Variants in GPC6 observed in about 807,000 individuals in gnomAD.
GPC6 encodes glypican-6.
A neutral mutation model predicts 55.2 loss-of-function variants in GPC6; 14 were observed. That is an observed-to-expected ratio of 0.25 (90% confidence interval 0.17 to 0.40). The LOEUF (loss-of-function observed/expected upper bound fraction) is 0.40. Ranked by LOEUF, GPC6 falls within the 10% of genes least tolerant of loss-of-function variation. GPC6 has a pLI of 1.00. For synonymous variants in GPC6, 278 were observed against 259.6 expected, an observed-to-expected ratio of 1.07 and a Z score of -0.68; for missense variants, 641 against 708.5, an observed-to-expected ratio of 0.90 and a Z score of 1.08.
At chr13:93,922,826 A>G (rs1332340594) in intron 3 of GPC6, among the ~76,000 whole-genome samples, 1 of 152,158 alleles carries the variant, frequency 6.6e-6, no homozygotes, top group Non-Finnish European at 1.5e-5. Context: ...CCTCTAATCA[A>G]TTTGTATTCT....
chr13:94,305,848 T>C, intron 5 of GPC6, 132 bp from the exon 6 acceptor site: 1 of 855,170 alleles, frequency 1.2e-6, no homozygotes, highest in South Asian at 1.4e-5. Context: ...TGTTTACATT[T>C]CAAAATTAGA....
chr13:93,975,268 T>G (rs2140398517), intron 3 of GPC6, among the ~76,000 whole-genome samples: 1 of 152,286 alleles, frequency 6.6e-6, no homozygotes, highest in African/African-American at 2.4e-5. Context: ...TATGTTAAAC[T>G]CTTGCCAAAG....
At chr13:93,576,474 T>A (rs542125937) in intron 2 of GPC6, among the ~76,000 whole-genome samples, 1 of 152,270 alleles carries the variant, frequency 6.6e-6, no homozygotes, top group Admixed American at 6.5e-5. Flanking sequence ...TTGCCCTTAG[T>A]TTTTGGCTGT....
rs997251766 is a variant in GPC6, at chr13:93,639,061, G to A, written c.319+93640G>A. On this transcript the variant is annotated intron_variant, in intron 2 of 8. Coordinates refer to ENST00000377047, the MANE Select transcript of GPC6 (RefSeq NM_005708.5). Reference sequence around the variant, plus strand: ...AAATCTGCTGTTATGGTACTACATTGTAGTGGAGGAAAATAAACAATGAAA... The same window carrying A: ...AAATCTGCTGTTATGGTACTACATTATAGTGGAGGAAAATAAACAATGAAA... 2.6e-5 allele frequency among the ~76,000 whole-genome samples: 4 copies of A among 152,132 alleles called. No individual in the cohort carries two copies. In the East Asian group the frequency reaches 7.7e-4, roughly 29 times the overall value.
intron 4 of GPC6, among the ~76,000 whole-genome samples, chr13:94,067,948 T>C (rs1884589641): frequency 1.3e-5 from 2 of 152,212 alleles, no homozygotes; most frequent in Non-Finnish European, 1.5e-5. Context: ...TTCAATTTTA[T>C]GTAGGAAAGA....
intron 4 of GPC6, among the ~76,000 whole-genome samples, chr13:94,200,325 C>A (rs1227628751): frequency 6.6e-6 from 1 of 152,154 alleles, no homozygotes; most frequent in African/African-American, 2.4e-5. Flanking sequence ...TAACACCAGC[C>A]AAGTGACTGG....
intron 2 of GPC6, among the ~76,000 whole-genome samples, chr13:93,707,415 T>C (rs759670169): frequency 2.6e-5 from 4 of 151,842 alleles, no homozygotes; most frequent in African/African-American, 9.7e-5. Flanking sequence ...TTGAGTGTTA[T>C]GGACTTAGTA....
At chr13:93,306,026 T>C (rs1329186351) in intron 1 of GPC6, among the ~76,000 whole-genome samples, 3 of 152,184 alleles carry the variant, frequency 2.0e-5, no homozygotes, top group Non-Finnish European at 4.4e-5. Context: ...GGTTAGTATA[T>C]TCAGTACAAA....
chr13:93,273,195 T>C (rs1013693895), intron 1 of GPC6, among the ~76,000 whole-genome samples: 8 of 152,016 alleles, frequency 5.3e-5, no homozygotes, highest in Admixed American at 4.6e-4. Flanking sequence ...AAGTGATTTT[T>C]ACAAAAAGAT....
chr13:93,992,381 C>T (rs184161676), intron 3 of GPC6, among the ~76,000 whole-genome samples: 2 of 152,140 alleles, frequency 1.3e-5, no homozygotes, highest in Non-Finnish European at 2.9e-5. Context: ...GAGCTGGTTC[C>T]TTCACATAGA....
chr13:93,335,617 TTTA>T (rs1205144547), intron 1 of GPC6, among the ~76,000 whole-genome samples: 2 of 152,186 alleles, frequency 1.3e-5, no homozygotes. Context: ...TCTGACCTCT[TTTA>T]TAATTGTCAG....
At chr13:93,926,835 GTTAACTGTCCT>G (rs939166352) in intron 3 of GPC6, among the ~76,000 whole-genome samples, 1 of 152,008 alleles carries the variant, frequency 6.6e-6, no homozygotes, top group African/African-American at 2.4e-5. Flanking sequence ...GACAGACACT[GTTAACTGTCCT>G]AACTAGGGCA....
In GPC6 at chr13:94,298,210, G is replaced by C. The variant is rs529719453; in HGVS notation, c.1009-7770G>C. 9.2e-5 allele frequency among the ~76,000 whole-genome samples: 14 copies of C among 152,210 alleles called. No homozygotes were observed. In the South Asian group the frequency reaches 1.5e-3, roughly 16 times the overall value. ...AAAGTGTGTGAAATGAATTTCTAAG[G>C]TGCCAGTTATCTTATGTAATAGTAT... On this transcript the variant is annotated intron_variant, in intron 5 of 8. Transcript: ENST00000377047.
At chr13:94,120,332 T>C (rs1243685842) in intron 4 of GPC6, among the ~76,000 whole-genome samples, 3 of 152,014 alleles carry the variant, frequency 2.0e-5, no homozygotes, top group African/African-American at 4.8e-5. Flanking sequence ...CAGAAAACAT[T>C]TGGACAAACC....
intron 4 of GPC6, among the ~76,000 whole-genome samples, chr13:94,252,005 C>A (rs1891365342): frequency 6.6e-6 from 1 of 152,088 alleles, no homozygotes; most frequent in Non-Finnish European, 1.5e-5. Context: ...GTTAGTTCCC[C>A]AGTAGGCTCT....
chr13:93,819,635 A>G (rs918159420), intron 2 of GPC6, among the ~76,000 whole-genome samples: 1 of 152,196 alleles, frequency 6.6e-6, no homozygotes, highest in Non-Finnish European at 1.5e-5. Flanking sequence ...CAACTGCGAA[A>G]GCATCTCAGC....
chr13:94,074,842 G>C (rs1478192745), intron 4 of GPC6, among the ~76,000 whole-genome samples: 1 of 152,136 alleles, frequency 6.6e-6, no homozygotes, highest in Non-Finnish European at 1.5e-5. Context: ...GTTAAATGTT[G>C]ATTAGATCAC....
intron 4 of GPC6, among the ~76,000 whole-genome samples, chr13:94,045,171 A>G (rs1883686696): frequency 1.3e-5 from 2 of 151,918 alleles, no homozygotes; most frequent in South Asian, 2.1e-4. Flanking sequence ...AGAAATAAGT[A>G]GGAGCATATG....
chr13:93,636,441 G>T (rs74111515), intron 2 of GPC6, among the ~76,000 whole-genome samples: 1 of 152,178 alleles, frequency 6.6e-6, no homozygotes, highest in Non-Finnish European at 1.5e-5. Flanking sequence ...AGGAACTGTC[G>T]TAGAATGCAT....
Sources: gnomAD v4.1 joint callset for allele counts (sites outside exome capture counted in the v4.1 genomes callset) on GRCh38, gnomAD v4.1.1 for gene constraint, MANE v1.5 for transcripts, NCBI Gene and HGNC (gene_info 2026-07-23, HGNC 2026-07-21) for gene names.